Variants in PHACTR1 observed in about 807,000 individuals in gnomAD.
PHACTR1 encodes the protein phosphatase and actin regulator 1, also known as RPEL repeat containing 1.
PHACTR1 carries 16 observed loss-of-function variants against 69.2 expected under a neutral mutation model. The ratio of observed to expected loss-of-function variants is 0.23; its 90% CI spans 0.16 to 0.35. The LOEUF is 0.35. Ranked by LOEUF, PHACTR1 falls within the 10% of genes least tolerant of loss-of-function variation. PHACTR1 has a pLI of 1.00. For synonymous variants in PHACTR1, 312 were observed against 284.5 expected, an observed-to-expected ratio of 1.10 and a Z score of -0.97; for missense variants, 510 against 734.7, an observed-to-expected ratio of 0.69 and a Z score of 3.54.
chr6:13,170,735 G>T (rs1203722104), intron 6 of PHACTR1, among the ~76,000 whole-genome samples: 1 of 152,194 alleles, frequency 6.6e-6, no homozygotes, highest in African/African-American at 2.4e-5. Flanking sequence ...TGTTCTGTCT[G>T]TGGAAGATAC....
At chr6:13,183,449 G>A (rs1052332197) in intron 7 of PHACTR1, among the ~76,000 whole-genome samples, 1 of 152,030 alleles carries the variant, frequency 6.6e-6, no homozygotes, top group Admixed American at 6.6e-5. Flanking sequence ...GTGGGAGGGT[G>A]GGAGGGATGA....
At chr6:12,868,505 C>T (rs1781701592) in intron 4 of PHACTR1, among the ~76,000 whole-genome samples, 1 of 152,112 alleles carries the variant, frequency 6.6e-6, no homozygotes, top group Non-Finnish European at 1.5e-5. Flanking sequence ...AGTCCACAGT[C>T]TATCAAGATG....
intron 4 of PHACTR1, among the ~76,000 whole-genome samples, chr6:13,030,002 T>A (rs2127687662): frequency 6.6e-6 from 1 of 152,322 alleles, no homozygotes; most frequent in South Asian, 2.1e-4. Flanking sequence ...AAATGGTGAA[T>A]CTGATAGCAT....
At chr6:13,167,483 C>T (rs959427952) in intron 6 of PHACTR1, among the ~76,000 whole-genome samples, 3 of 152,182 alleles carry the variant, frequency 2.0e-5, no homozygotes, top group Non-Finnish European at 2.9e-5. Context: ...TTAGACAATT[C>T]CACACCCTAA....
intron 4 of PHACTR1, among the ~76,000 whole-genome samples, chr6:12,965,150 T>C (rs1040974154): frequency 6.6e-6 from 1 of 152,250 alleles, no homozygotes; most frequent in Admixed American, 6.5e-5. Flanking sequence ...TTTGTGTTAT[T>C]TTTACTGCTG....
intron 4 of PHACTR1, among the ~76,000 whole-genome samples, chr6:12,984,929 C>T (rs887889357): frequency 6.6e-6 from 1 of 152,276 alleles, no homozygotes; most frequent in Admixed American, 6.5e-5. Flanking sequence ...TGAGCAAGAC[C>T]AAATGACTAA....
intron 4 of PHACTR1, among the ~76,000 whole-genome samples, chr6:12,826,793 A>T (rs1244388855): frequency 6.6e-6 from 1 of 152,210 alleles, no homozygotes; most frequent in Non-Finnish European, 1.5e-5. Flanking sequence ...ATTAATCTTG[A>T]AATGAAGATC....
intron 10 of PHACTR1, chr6:13,267,146 T>C (rs1776856010): frequency 6.6e-6 from 1 of 152,276 alleles, no homozygotes; most frequent in African/African-American, 2.4e-5. Flanking sequence ...CCCCATCCTC[T>C]TCCAGTCTTC....
At chr6:13,187,641 A>G (rs571033856) in intron 7 of PHACTR1, among the ~76,000 whole-genome samples, 17 of 152,360 alleles carry the variant, frequency 1.1e-4, no homozygotes, top group African/African-American at 3.4e-4. Flanking sequence ...TAGAAGGAGC[A>G]GAAAGAGGAG....
chr6:13,024,227 G>C (rs1801381977), intron 4 of PHACTR1, among the ~76,000 whole-genome samples: 1 of 152,188 alleles, frequency 6.6e-6, no homozygotes, highest in South Asian at 2.1e-4. Context: ...ACAACTTGAA[G>C]GCTGAAATCT....
intron 12 of PHACTR1, chr6:13,281,374 C>T (rs991262859): frequency 1.9e-5 from 6 of 322,566 alleles, no homozygotes; most frequent in African/African-American, 6.6e-5. Context: ...GGCAATATGG[C>T]GAAACCCTAT....
rs192587086 is a variant in PHACTR1 at position 12,784,274 on chromosome 6, G to A, written c.250+34484G>A. On this transcript the variant is annotated intron_variant, in intron 4 of 14. Transcript: ENST00000332995. Reference sequence around the variant, plus strand: ...TATCTTTACACACTCACAGATACATGATACTATATACATGCACACACAGAT... The same window carrying A: ...TATCTTTACACACTCACAGATACATAATACTATATACATGCACACACAGAT... 4.1e-3 allele frequency among the ~76,000 whole-genome samples: 615 copies of A among 151,000 alleles called. 2 individuals carry two copies. Among genetic ancestry groups the A allele is most frequent in the South Asian group, 8.4e-3 (40 of 4,758 alleles).
At chr6:12,778,973 C>T (rs1446718885) in intron 4 of PHACTR1, among the ~76,000 whole-genome samples, 2 of 152,208 alleles carry the variant, frequency 1.3e-5, no homozygotes, top group Non-Finnish European at 2.9e-5. Flanking sequence ...GCCCTACTTG[C>T]CCTTGGCTCA....
chr6:12,960,493 G>A (rs1482705341), intron 4 of PHACTR1, among the ~76,000 whole-genome samples: 1 of 152,198 alleles, frequency 6.6e-6, no homozygotes, highest in Non-Finnish European at 1.5e-5. Context: ...AGGGTCAATT[G>A]AACTGGTTTA....
intron 4 of PHACTR1, among the ~76,000 whole-genome samples, chr6:13,036,654 A>C (rs900820740): frequency 4.6e-5 from 7 of 152,218 alleles, no homozygotes; most frequent in African/African-American, 1.7e-4. Context: ...ATTTCTAAGG[A>C]AACGTGGTAG....
chr6:12,858,682 G>T (rs1474884974), intron 4 of PHACTR1, among the ~76,000 whole-genome samples: 1 of 152,034 alleles, frequency 6.6e-6, no homozygotes, highest in African/African-American at 2.4e-5. Flanking sequence ...TATAGTCCCA[G>T]CTACTTGGTA....
At chr6:13,286,297 C>T in intron 14 of PHACTR1, 75 bp downstream of exon 14, 2 of 1,270,984 alleles carry the variant, frequency 1.6e-6, no homozygotes, top group Non-Finnish European at 2.2e-6. Context: ...AGCTCTCCCA[C>T]TTGTGGGACA....
intron 6 of PHACTR1, among the ~76,000 whole-genome samples, chr6:13,178,276 C>T (rs1487656526): frequency 2.0e-5 from 3 of 152,204 alleles, no homozygotes; most frequent in East Asian, 1.9e-4. Context: ...TCATGATCCA[C>T]GGTTAGACAA....
intron 10 of PHACTR1, among the ~76,000 whole-genome samples, chr6:13,251,416 G>T (rs1010364142): frequency 6.6e-6 from 1 of 152,206 alleles, no homozygotes; most frequent in Non-Finnish European, 1.5e-5. Context: ...GATCTGTCCA[G>T]GTTCTCACCG....
Sources: gnomAD v4.1 joint callset for allele counts (sites outside exome capture counted in the v4.1 genomes callset) on GRCh38, gnomAD v4.1.1 for gene constraint, MANE v1.5 for transcripts, NCBI Gene and HGNC (gene_info 2026-07-23, HGNC 2026-07-21) for gene names.